The following STK3 variants were observed in gnomAD, a reference collection of about 807,000 sequenced individuals.
STK3 encodes the protein serine/threonine-protein kinase 3.
In STK3, 41 loss-of-function variants were observed where a neutral mutation model predicts 58.0. That is an observed-to-expected ratio of 0.71 (90% confidence interval 0.55 to 0.92). The LOEUF is 0.92. Among genes scored for constraint, STK3 ranks in the 40% least tolerant of loss-of-function variants. The probability of loss-of-function intolerance (pLI) is 0.00; values close to 1 mark genes in which losing one functional copy is unlikely to be tolerated. For synonymous variants in STK3, 170 were observed against 191.0 expected (o/e 0.89, Z 0.91); for missense variants, 479 against 602.7 (o/e 0.79, Z 2.15).
chr8:98,935,172 T>TG (rs1400347700), intron 1 of STK3, among the ~76,000 whole-genome samples: 3 of 113,196 alleles, frequency 2.7e-5, no homozygotes, highest in African/African-American at 6.9e-5. Context: ...GAGGTGGGGG[T>TG]GGGGGGCTTG....
the STK3 span, among the ~76,000 whole-genome samples, chr8:98,357,819 AC>A: frequency 2.6e-5 from 4 of 152,026 alleles, no homozygotes; most frequent in African/African-American, 7.3e-5. Flanking sequence ...TGTGAACAAC[AC>A]CCCCTCATCA....
intron 4 of STK3, among the ~76,000 whole-genome samples, chr8:98,711,751 A>C (rs1270796023): frequency 6.6e-6 from 1 of 152,244 alleles, no homozygotes; most frequent in Non-Finnish European, 1.5e-5. Flanking sequence ...CTACCAAGGC[A>C]GGCTACCATT....
chr8:98,733,140 C>T (rs1252050034), intron 4 of STK3, among the ~76,000 whole-genome samples: 1 of 152,230 alleles, frequency 6.6e-6, no homozygotes, highest in African/African-American at 2.4e-5. Context: ...CTGACTTACT[C>T]ATTTATTCAT....
intron 10 of STK3, among the ~76,000 whole-genome samples, chr8:98,515,816 A>C (rs920238267): frequency 2.5e-4 from 38 of 151,600 alleles, no homozygotes; most frequent in African/African-American, 8.2e-4. Flanking sequence ...TTATACTTTA[A>C]GTTTTAGGGT....
At chr8:98,721,473 A>C (rs371517088) in intron 4 of STK3, among the ~76,000 whole-genome samples, 253 of 152,226 alleles carry the variant, frequency 1.7e-3, no homozygotes, top group African/African-American at 5.8e-3. Flanking sequence ...GTTCAAGTCC[A>C]GGCTGGGCAA....
intron 1 of STK3, among the ~76,000 whole-genome samples, chr8:98,940,674 C>G (rs1303331288): frequency 6.6e-6 from 1 of 152,206 alleles, no homozygotes; most frequent in African/African-American, 2.4e-5. Context: ...CTGCATCTCC[C>G]GCCCGGACAA....
At chr8:98,738,787 C>G (rs1380795022) in intron 4 of STK3, among the ~76,000 whole-genome samples, 2 of 152,242 alleles carry the variant, frequency 1.3e-5, no homozygotes, top group Non-Finnish European at 2.9e-5. Context: ...CAGGGCGAGG[C>G]ATTGCCTCAC....
intron 10 of STK3, among the ~76,000 whole-genome samples, chr8:98,458,893 A>G (rs1333502616): frequency 6.6e-6 from 1 of 152,140 alleles, no homozygotes; most frequent in African/African-American, 2.4e-5. Context: ...TTCCTTTGTA[A>G]ATTACCCAGT....
chr8:98,916,957 A>T (rs2088717743), intron 1 of STK3, among the ~76,000 whole-genome samples: 1 of 152,228 alleles, frequency 6.6e-6, no homozygotes, highest in African/African-American at 2.4e-5. Context: ...AGAGCCAATC[A>T]TGAACAGATG....
At chr8:98,400,446 C>G (rs1586548391), downstream of STK3, among the ~76,000 whole-genome samples, 1 of 152,340 alleles carries the variant, frequency 6.6e-6, no homozygotes, top group East Asian at 1.9e-4. Flanking sequence ...CTCCCTGCAC[C>G]CATCCCGGGC....
chr8:98,592,504 A>C (rs1473953001), intron 7 of STK3, among the ~76,000 whole-genome samples: 1 of 152,068 alleles, frequency 6.6e-6, no homozygotes, highest in African/African-American at 2.4e-5. Flanking sequence ...TTCATTTCTC[A>C]AAGAATATAA....
intron 3 of STK3, among the ~76,000 whole-genome samples, chr8:98,763,132 T>C (rs1830735335): frequency 6.6e-6 from 1 of 152,198 alleles, no homozygotes; most frequent in Admixed American, 6.5e-5. Context: ...GTGAAGAAAA[T>C]GCCCCTAGAA....
chr8:98,728,652 G>C (rs1827959365), intron 4 of STK3, among the ~76,000 whole-genome samples: 1 of 152,090 alleles, frequency 6.6e-6, no homozygotes, highest in African/African-American at 2.4e-5. Flanking sequence ...CAACAGAAAA[G>C]CACTCAATAT....
At chr8:98,841,604 T>C (rs559850710) in intron 3 of STK3, among the ~76,000 whole-genome samples, 1 of 150,084 alleles carries the variant, frequency 6.7e-6, no homozygotes, top group African/African-American at 2.5e-5. Flanking sequence ...AGTGAGAGGA[T>C]TGTTTGAGCC....
rs369568538 is a variant in STK3, at chr8:98,419,310, G to A, written n.483+14817C>T. Among the ~76,000 whole-genome samples the A allele has an allele frequency of 5.9e-5, 9 of 152,068 alleles. No individual in the cohort carries two copies. The South Asian group carries it at 8.3e-4, about 14-fold the overall frequency. On this transcript the variant is annotated intron_variant and non_coding_transcript_variant, in intron 3 of 3. Coordinates refer to the STK3 transcript ENST00000517832. ...CAGGAGGTAGAGGTTGGAATGAGCTGAGAGCACCCCACTGCACTCTAGTGT... is the reference window on the plus strand; with the variant it reads ...CAGGAGGTAGAGGTTGGAATGAGCTAAGAGCACCCCACTGCACTCTAGTGT...
intron 3 of STK3, among the ~76,000 whole-genome samples, chr8:98,433,691 C>T (rs1818385579): frequency 6.6e-6 from 1 of 152,160 alleles, no homozygotes; most frequent in South Asian, 2.1e-4. Context: ...AGCCATGAGC[C>T]GATCCTGATA....
chr8:98,592,778 T>TTTAA (rs773524499), intron 7 of STK3, among the ~76,000 whole-genome samples: 7 of 145,346 alleles, frequency 4.8e-5, no homozygotes, highest in Admixed American at 4.8e-4. Context: ...TATTTATTTA[T>TTTAA]TTTGAGACAG....
At chr8:98,688,250 T>C (rs1017114318) in intron 6 of STK3, among the ~76,000 whole-genome samples, 5 of 152,212 alleles carry the variant, frequency 3.3e-5, no homozygotes, top group African/African-American at 9.6e-5. Context: ...CACTCAACAC[T>C]GGAGCACCCA....
chr8:98,636,034 C>T (rs941766862), intron 6 of STK3, among the ~76,000 whole-genome samples: 2 of 151,918 alleles, frequency 1.3e-5, no homozygotes, highest in African/African-American at 2.4e-5. Context: ...CTAATAAAGC[C>T]ATACATTCCT....
Sources: allele counts gnomAD v4.1 joint callset (sites outside exome capture counted in the v4.1 genomes callset), GRCh38; gene constraint gnomAD v4.1.1; transcripts MANE v1.5; gene names NCBI Gene and HGNC (gene_info 2026-07-23, HGNC 2026-07-21).